Variants in ANKRD36 observed in about 807,000 individuals in gnomAD.
ANKRD36 encodes the protein ankyrin repeat domain 36, also known as ankyrin repeat domain-containing protein 36A.
ANKRD36 carries 179 observed loss-of-function variants against 278.1 expected under a neutral mutation model. That is an observed-to-expected ratio of 0.64 (90% CI 0.57 to 0.73). The LOEUF is 0.73. Ranked by LOEUF, ANKRD36 falls within the 30% of genes least tolerant of loss-of-function variation. ANKRD36 has a pLI of 0.00. For missense variants in ANKRD36, 1,159 were observed against 1,956.7 expected (o/e 0.59, Z 7.69); for synonymous variants, 320 against 641.1 (o/e 0.50, Z 7.57).
chr2:97,138,350 G>A (rs575011123), intron 6 of ANKRD36, among the ~76,000 whole-genome samples: 7 of 152,072 alleles, frequency 4.6e-5, no homozygotes, highest in African/African-American at 1.7e-4. Flanking sequence ...GCTACAAAGA[G>A]AATAAAATAG....
At chr2:97,143,952 A>G (rs549587921) in intron 8 of ANKRD36, among the ~76,000 whole-genome samples, 156 of 152,218 alleles carry the variant, frequency 1.0e-3, no homozygotes, top group African/African-American at 3.5e-3. Flanking sequence ...AATAAGGAAT[A>G]TTATATGCTA....
chr2:97,256,247 C>T (rs1474998931), intron 75 of ANKRD36, among the ~76,000 whole-genome samples: 2 of 146,280 alleles, frequency 1.4e-5, no homozygotes, highest in African/African-American at 2.4e-5. Context: ...ATCCCAGCTA[C>T]TTGGAAGGCT....
rs749332575 is a variant in ANKRD36, at chr2:97,209,862, A to G, written c.3357A>G (p.Lys1119=). 2.5e-6 allele frequency: 4 copies of G among 1,582,764 alleles called. No individual in the cohort carries two copies. In the South Asian group the frequency reaches 4.6e-5, roughly 18 times the overall value. The change falls in exon 56 of 76, where the codon AAA becomes AAG. Residue 1119 remains lysine (K), a synonymous_variant. Coordinates refer to ENST00000420699, the MANE Select transcript of ANKRD36 (RefSeq NM_001354587.1). ...YIAREKKDGE[K]SRTVSSPKQP... ...CCAGAGAAAAAAAGGATGGAGAAAA[A>G]TCTAGGACAGGTAATTTTGAAAACA...
intron 66 of ANKRD36, among the ~76,000 whole-genome samples, chr2:97,220,773 T>A (rs57508674): frequency 1.2e-4 from 13 of 111,160 alleles, no homozygotes; most frequent in South Asian, 3.0e-4. Context: ...TTTTTTTTTT[T>A]AATTTTTTTT....
At chr2:97,172,701 A>C (rs999130762) in intron 22 of ANKRD36, among the ~76,000 whole-genome samples, 1 of 152,138 alleles carries the variant, frequency 6.6e-6, no homozygotes, top group African/African-American at 2.4e-5. Flanking sequence ...GTTAAACTCT[A>C]AACTACTCAG....
At chr2:97,218,729 T>C (rs1333539407) in intron 64 of ANKRD36, among the ~76,000 whole-genome samples, 1 of 152,110 alleles carries the variant, frequency 6.6e-6, no homozygotes, top group Non-Finnish European at 1.5e-5. Flanking sequence ...TTTCTAGGGT[T>C]ATGACTTGCT....
In ANKRD36 at chr2:97,209,550, C is replaced by CA. The variant is rs148941933; in HGVS notation, c.3266-128dup. On this transcript the variant is annotated intron_variant, in intron 54 of 75. Transcript: ENST00000420699. ...TCTGTCATGTTCTGATCCCCAGACA[C>CA]AAAGTAGAAGCCATCAAAGCCTCCA... 8,450 of 1,548,174 alleles carry CA rather than the reference C, an allele frequency of 5.5e-3. 1,072 individuals are homozygous for CA. The African/African-American group carries it at 0.11, about 21-fold the overall frequency.
intron 1 of ANKRD36, 123 bp from the exon 2 acceptor site, chr2:97,117,941 A>G (rs1403771507): frequency 3.7e-6 from 5 of 1,350,196 alleles, no homozygotes; most frequent in Non-Finnish European, 4.0e-6. Context: ...GGTGAGTAAT[A>G]AGCGCTAACA....
intron 6 of ANKRD36, among the ~76,000 whole-genome samples, chr2:97,139,895 G>A (rs1023590085): frequency 4.0e-5 from 6 of 151,840 alleles, no homozygotes; most frequent in Admixed American, 6.6e-5. Flanking sequence ...ATCTACTCAG[G>A]TCACAATTTA....
intron 14 of ANKRD36, among the ~76,000 whole-genome samples, chr2:97,154,142 G>A (rs1481911247): frequency 6.8e-6 from 1 of 146,270 alleles, no homozygotes; most frequent in East Asian, 2.0e-4. Flanking sequence ...AGGGTGAAGA[G>A]AATCAATGGG....
At chr2:97,145,640 G>A (rs111569635) in intron 10 of ANKRD36, among the ~76,000 whole-genome samples, 2 of 151,760 alleles carry the variant, frequency 1.3e-5, no homozygotes, top group African/African-American at 4.8e-5. Context: ...ACCTTATTCA[G>A]ATCTAATGCT....
chr2:97,215,983 A>T (rs1431270042), intron 62 of ANKRD36, among the ~76,000 whole-genome samples: 1 of 151,986 alleles, frequency 6.6e-6, no homozygotes, highest in Non-Finnish European at 1.5e-5. Flanking sequence ...AGGAGAGAAA[A>T]GAAGAAGTTA....
At chr2:97,161,419 A>G (rs2923998) in intron 17 of ANKRD36, among the ~76,000 whole-genome samples, 1 of 151,864 alleles carries the variant, frequency 6.6e-6, no homozygotes, top group African/African-American at 2.4e-5. Context: ...ACCATTTCTC[A>G]TATCTTATTA....
At chr2:97,183,872 A>T (rs1388922906) in intron 28 of ANKRD36, among the ~76,000 whole-genome samples, 1 of 151,694 alleles carries the variant, frequency 6.6e-6, no homozygotes, top group Non-Finnish European at 1.5e-5. Context: ...TTGAATTTGG[A>T]TAGAAGAACC....
rs1248198535 is a variant in ANKRD36 at position 97,207,921 on chromosome 2, A to T, written c.3193-13A>T. The T allele has an allele frequency of 3.3e-6, 5 of 1,531,338 alleles. No individual in the cohort carries two copies. Among genetic ancestry groups the T allele is most frequent in the Non-Finnish European group, 4.4e-6 (5 of 1,137,068 alleles). 94.9% of individuals were successfully genotyped at this position (1,531,338 alleles called of 1,614,324 possible). On this transcript the variant is annotated splice_polypyrimidine_tract_variant and intron_variant, in intron 53 of 75. Coordinates refer to ENST00000420699, the MANE Select transcript of ANKRD36 (RefSeq NM_001354587.1). ...CTTTATTAATTTATTATTTCATTTG[A>T]AATTCCATTCAGGCTACAAGTGCCG...
In ANKRD36 at chr2:97,237,879, T is replaced by C. The variant is rs200540936; in HGVS notation, c.4094-3387T>C. Among the ~76,000 whole-genome samples, 9 of 151,394 alleles carry C rather than the reference T, an allele frequency of 5.9e-5. 1 individual carries two copies. The East Asian group carries it at 1.4e-3, about 24-fold the overall frequency. ...TTTCTGTTTCTTTTGGGAGAGTTTA[T>C]GTATAATTGTATTAATTTCTTCCAG... On this transcript the variant is annotated intron_variant, in intron 68 of 75. Coordinates refer to ENST00000420699, the MANE Select transcript of ANKRD36 (RefSeq NM_001354587.1).
chr2:97,230,487 A>G (rs1278895433), intron 67 of ANKRD36, among the ~76,000 whole-genome samples: 2 of 152,088 alleles, frequency 1.3e-5, no homozygotes, highest in Non-Finnish European at 2.9e-5. Context: ...TTTCAGCTTC[A>G]TCAGCTCCTT....
At chr2:97,181,422 T>G (rs2056164692) in intron 24 of ANKRD36, among the ~76,000 whole-genome samples, 176 bp from the exon 25 acceptor site, 2 of 151,450 alleles carry the variant, frequency 1.3e-5, no homozygotes, top group Non-Finnish European at 3.0e-5. Context: ...AAGCCTGTAT[T>G]CCTTTTTTTT....
chr2:97,240,995 T>G (rs1240035122), intron 68 of ANKRD36, among the ~76,000 whole-genome samples: 11 of 142,964 alleles, frequency 7.7e-5, no homozygotes, highest in South Asian at 2.5e-4. Context: ...TTTTTTTTTT[T>G]TTTTTTTTTT....
Sources: allele counts gnomAD v4.1 joint callset (sites outside exome capture counted in the v4.1 genomes callset), GRCh38; gene constraint gnomAD v4.1.1; transcripts MANE v1.5; gene names NCBI Gene and HGNC (gene_info 2026-07-23, HGNC 2026-07-21).